MICAL3: variants seen among roughly 807,000 people sequenced by gnomAD.
MICAL3 encodes [F-actin]-monooxygenase MICAL3.
Under a neutral mutation model 207.4 loss-of-function variants are expected in MICAL3, and 62 were observed. The observed-to-expected ratio is 0.30, with a 90% CI of 0.24 to 0.37. The LOEUF (loss-of-function observed/expected upper bound fraction) is 0.37. Among genes scored for constraint, MICAL3 ranks in the 10% least tolerant of loss-of-function variants. MICAL3 has a pLI of 1.00. For missense variants in MICAL3, 2,368 were observed against 2,635.6 expected, an observed-to-expected ratio of 0.90 and a Z score of 2.22; for synonymous variants, 1,077 against 1,069.3, an observed-to-expected ratio of 1.01 and a Z score of -0.14.
chr22:18,012,575 G>A (rs945326271), intron 1 of MICAL3, among the ~76,000 whole-genome samples: 16 of 152,238 alleles, frequency 1.1e-4, no homozygotes, highest in African/African-American at 3.1e-4. Flanking sequence ...TCCCAGGGCT[G>A]CCAGATAGGG....
At chr22:17,946,264 T>A (rs1318399742) in intron 1 of MICAL3, among the ~76,000 whole-genome samples, 3 of 152,138 alleles carry the variant, frequency 2.0e-5, no homozygotes, top group Non-Finnish European at 2.9e-5. Context: ...CAGGCACCCC[T>A]ACTTCCGAAA....
chr22:17,888,590 A>C (rs1268575616), intron 13 of MICAL3, among the ~76,000 whole-genome samples: 1 of 152,192 alleles, frequency 6.6e-6, no homozygotes, highest in African/African-American at 2.4e-5. Context: ...AGAGATGGGA[A>C]CTGAGAAAAG....
rs1373919614 is a variant in MICAL3, at chr22:17,817,359, C to T, written c.5302G>A (p.Ala1768Thr). The change falls in exon 26 of 32, where the codon GCC becomes ACC. Residue 1768 changes from alanine to threonine, a missense_variant. Ala to Thr is a moderately conservative substitution (Grantham distance 58, BLOSUM62 0). Coordinates refer to ENST00000441493, the MANE Select transcript of MICAL3 (RefSeq NM_015241.3). Reference sequence around the variant, plus strand: ...CTGTGCTTTCCAGAGTCCACCGTGGCCCCGCTGGAGGGGGTGCTGGGGCAG... The same window carrying T: ...CTGTGCTTTCCAGAGTCCACCGTGGTCCCGCTGGAGGGGGTGCTGGGGCAG... ...KSCPSTPSSG[A>T]TVDSGKHRVL... 2 of 1,610,840 alleles carry T rather than the reference C, an allele frequency of 1.2e-6. No homozygotes were observed. The highest frequency in any genetic ancestry group is 1.7e-5 in the Admixed American group (1 of 59,678).
At chr22:17,932,695 G>A (rs1247560004) in intron 1 of MICAL3, among the ~76,000 whole-genome samples, 1 of 152,124 alleles carries the variant, frequency 6.6e-6, no homozygotes, top group Non-Finnish European at 1.5e-5. Context: ...ATTGAATAGA[G>A]TCAAGACCCA....
chr22:17,965,630 A>G (rs551750941), intron 1 of MICAL3, among the ~76,000 whole-genome samples: 3 of 152,370 alleles, frequency 2.0e-5, no homozygotes, highest in East Asian at 3.9e-4. Context: ...AAAAGGAGAC[A>G]GAGAGGCTAC....
chr22:17,884,680 T>C (rs1263805769), intron 16 of MICAL3, among the ~76,000 whole-genome samples: 1 of 152,186 alleles, frequency 6.6e-6, no homozygotes, highest in African/African-American at 2.4e-5. Flanking sequence ...CCATCCAAAA[T>C]GAGGAAAGCA....
In MICAL3 at chr22:17,788,409, T is replaced by C. The variant is rs1053262703; in HGVS notation, c.*2323A>G. The C allele has an allele frequency of 6.6e-6, 1 of 152,324 alleles. No homozygotes were observed. Among genetic ancestry groups the C allele is most frequent in the Admixed American group, 6.5e-5 (1 of 15,292 alleles). The allele number at this position is 152,324 out of a possible 1,614,324, so 9.4% of individuals were successfully genotyped here. On this transcript the variant is annotated 3_prime_UTR_variant, in exon 32 of 32. Coordinates refer to ENST00000441493, the MANE Select transcript of MICAL3 (RefSeq NM_015241.3). Reference sequence around the variant, plus strand: ...CGTCTGGCCACTTACAGCAGATCCCTAGGCCACACTCCTTCCAAGCCACTT... The same window carrying C: ...CGTCTGGCCACTTACAGCAGATCCCCAGGCCACACTCCTTCCAAGCCACTT...
intron 16 of MICAL3, chr22:17,872,720 T>C: frequency 7.2e-7 from 1 of 1,391,656 alleles, no homozygotes; most frequent in South Asian, 1.2e-5. Flanking sequence ...TGGGTCTAGC[T>C]ACACAGTGCC....
At chr22:17,863,858 TCCA>T in intron 19 of MICAL3, 1 of 985,470 alleles carries the variant, frequency 1.0e-6, no homozygotes, top group Non-Finnish European at 1.2e-6. Flanking sequence ...CAACTCCTCC[TCCA>T]CATTTCCTGG....
intron 25 of MICAL3, among the ~76,000 whole-genome samples, chr22:17,819,588 G>C (rs1357348283): frequency 6.6e-6 from 1 of 152,048 alleles, no homozygotes; most frequent in African/African-American, 2.4e-5. Flanking sequence ...AAGATGTGCA[G>C]AGATTCCTGC....
At chr22:17,873,711 C>T (rs1015641412) in intron 16 of MICAL3, among the ~76,000 whole-genome samples, 2 of 152,258 alleles carry the variant, frequency 1.3e-5, no homozygotes, top group Admixed American at 6.5e-5. Flanking sequence ...TCTGGCAACA[C>T]TGAAACCACA....
Position 17,812,484 on chromosome 22 carries a change from A to G in MICAL3, c.5446-1671T>C, listed in dbSNP as rs1464133809. On this transcript the variant is annotated intron_variant, in intron 27 of 31. Transcript: ENST00000441493. ...CACAGACATGCATGCAACGGTGACC[A>G]GCTGACAGGAACGAGACACTACCTT... 7 of 984,960 alleles carry G rather than the reference A, an allele frequency of 7.1e-6. No individual in the cohort carries two copies. In the Admixed American group the frequency reaches 4.3e-4, roughly 61 times the overall value. 61.0% of individuals were successfully genotyped at this position (984,960 alleles called of 1,614,324 possible).
chr22:17,827,056 C>T (rs1013226052), intron 22 of MICAL3, among the ~76,000 whole-genome samples: 3 of 152,182 alleles, frequency 2.0e-5, no homozygotes, highest in African/African-American at 7.2e-5. Flanking sequence ...ACAGCGGCCA[C>T]CACGTCCCTC....
At position 17,958,765 on chromosome 22, in the gene MICAL3, G is replaced by A. The variant is rs1371965516; in HGVS notation, c.-74-51879C>T. On this transcript the variant is annotated intron_variant, in intron 1 of 31. Coordinates refer to ENST00000441493, the MANE Select transcript of MICAL3 (RefSeq NM_015241.3). ...GTTGCCCAGGCCAGAGTGCAATGGC[G>A]TGATCTCAGCTCACTGCAACCTCCA... Among the ~76,000 whole-genome samples, 8 of 151,660 alleles carry A rather than the reference G, an allele frequency of 5.3e-5. No homozygotes were observed. The Middle Eastern group carries it at 0.01, about 193-fold the overall frequency.
At chr22:17,966,691 G>A (rs1935158603) in intron 1 of MICAL3, among the ~76,000 whole-genome samples, 1 of 152,130 alleles carries the variant, frequency 6.6e-6, no homozygotes, top group African/African-American at 2.4e-5. Flanking sequence ...ACTGTCTAGG[G>A]TATTTCTAGG....
At chr22:17,976,480 T>TC (rs1327672988) in intron 1 of MICAL3, among the ~76,000 whole-genome samples, 3 of 151,542 alleles carry the variant, frequency 2.0e-5, no homozygotes, top group African/African-American at 7.3e-5. Context: ...GCTGGTTTTT[T>TC]ATTTTAAATC....
At chr22:18,014,275 T>C (rs1692274990) in intron 1 of MICAL3, among the ~76,000 whole-genome samples, 1 of 152,156 alleles carries the variant, frequency 6.6e-6, no homozygotes, top group Non-Finnish European at 1.5e-5. Context: ...AGAGTAAGAA[T>C]TTTCATTCCT....
chr22:17,847,373 A>G (rs1023449688), intron 19 of MICAL3, among the ~76,000 whole-genome samples: 4 of 152,234 alleles, frequency 2.6e-5, no homozygotes, highest in African/African-American at 4.8e-5. Flanking sequence ...GTGTACACAG[A>G]CTGATTCCCA....
intron 19 of MICAL3, among the ~76,000 whole-genome samples, chr22:17,850,915 G>A (rs901838701): frequency 1.6e-4 from 25 of 152,116 alleles, no homozygotes; most frequent in Non-Finnish European, 2.2e-4. Context: ...TATTTTTCAC[G>A]TGTTATACCA....
Sources: allele counts gnomAD v4.1 joint callset (sites outside exome capture counted in the v4.1 genomes callset), GRCh38; gene constraint gnomAD v4.1.1; transcripts MANE v1.5; gene names NCBI Gene and HGNC (gene_info 2026-07-23, HGNC 2026-07-21).